FAM53A: variants seen among roughly 807,000 people sequenced by gnomAD.
FAM53A encodes the protein family with sequence similarity 53 member A.
FAM53A carries 28 observed loss-of-function variants against 26.6 expected under a neutral mutation model. That is an observed-to-expected ratio of 1.05 (90% CI 0.78 to 1.45). The LOEUF is 1.45. FAM53A is among the 40% of genes most tolerant of loss of function. The probability of loss-of-function intolerance (pLI) is 0.00; values close to 1 mark genes in which losing one functional copy is unlikely to be tolerated. For synonymous variants in FAM53A, 290 were observed against 253.1 expected, an observed-to-expected ratio of 1.15 and a Z score of -1.38; for missense variants, 650 against 575.8, an observed-to-expected ratio of 1.13 and a Z score of -1.32.
the FAM53A span, among the ~76,000 whole-genome samples, chr4:1,602,906 C>T: frequency 6.6e-6 from 1 of 152,246 alleles, no homozygotes; most frequent in African/African-American, 2.4e-5. Context: ...CACTCCAGGA[C>T]GCCCCCTCCG....
the FAM53A span, among the ~76,000 whole-genome samples, chr4:1,575,266 G>A: frequency 3.9e-5 from 6 of 152,214 alleles, no homozygotes; most frequent in African/African-American, 1.4e-4. Flanking sequence ...ATGCTGTGTG[G>A]ACTCAGGTCC....
chr4:1,674,435 C>T (rs955067517), intron 1 of FAM53A, among the ~76,000 whole-genome samples: 9 of 152,112 alleles, frequency 5.9e-5, no homozygotes, highest in Admixed American at 5.9e-4. Context: ...TTTAGGAGGC[C>T]GAGGCAGGCA....
chr4:1,631,561 C>T (rs1715613482), intron 1 of FAM53A, among the ~76,000 whole-genome samples: 1 of 152,152 alleles, frequency 6.6e-6, no homozygotes, highest in Non-Finnish European at 1.5e-5. Flanking sequence ...GCTGAAGGCG[C>T]CCAACCACAG....
chr4:1,632,489 G>T (rs1715652957), intron 1 of FAM53A, among the ~76,000 whole-genome samples: 1 of 152,200 alleles, frequency 6.6e-6, no homozygotes, highest in African/African-American at 2.4e-5. Flanking sequence ...GGACCCCCAA[G>T]AAGACCGACC....
intron 4 of FAM53A, among the ~76,000 whole-genome samples, chr4:1,650,873 AG>A (rs1250070939): frequency 6.6e-6 from 1 of 151,898 alleles, no homozygotes; most frequent in Non-Finnish European, 1.5e-5. Context: ...GAAGAGGACT[AG>A]GACAGTGCTC....
At chr4:1,669,253 G>T (rs529829560) in intron 1 of FAM53A, among the ~76,000 whole-genome samples, 9 of 152,244 alleles carry the variant, frequency 5.9e-5, no homozygotes, top group African/African-American at 2.2e-4. Flanking sequence ...CCAATATCAA[G>T]CCAGGAACAC....
intron 2 of FAM53A, among the ~76,000 whole-genome samples, chr4:1,658,599 A>G (rs1713591959): frequency 6.6e-6 from 1 of 152,236 alleles, no homozygotes; most frequent in Non-Finnish European, 1.5e-5. Flanking sequence ...GGAAAGCCAC[A>G]GGGCGTGGTG....
chr4:1,581,254 C>G, the FAM53A span, among the ~76,000 whole-genome samples: 18 of 151,124 alleles, frequency 1.2e-4, no homozygotes, highest in Non-Finnish European at 2.4e-4. Context: ...CTCAGGGCCC[C>G]GCTTCCCACT....
intron 1 of FAM53A, chr4:1,618,138 T>C (rs11722375): frequency 0.69 from 313,749 of 456,110 alleles, 110,502 homozygotes; most frequent in African/African-American, 0.93. Flanking sequence ...GGCAGGTGAG[T>C]GCTGCCTCTT....
chr4:1,612,315 A>T, the FAM53A span, among the ~76,000 whole-genome samples: 1 of 152,298 alleles, frequency 6.6e-6, no homozygotes, highest in African/African-American at 2.4e-5. Context: ...AGATTGCTGT[A>T]TTTACACCAG....
At chr4:1,684,109 C>A (rs1286223362) in intron 1 of FAM53A, 124 bp downstream of exon 1, 2 of 151,972 alleles carry the variant, frequency 1.3e-5, no homozygotes, top group Non-Finnish European at 2.9e-5. Flanking sequence ...GCGCAGGGCC[C>A]CGCGCCCACG....
chr4:1,610,616 C>A, the FAM53A span, among the ~76,000 whole-genome samples: 101 of 150,320 alleles, frequency 6.7e-4, 1 homozygote, highest in African/African-American at 2.3e-3. Flanking sequence ...AGTCCCCAGG[C>A]AGGGCATCTG....
downstream of FAM53A, among the ~76,000 whole-genome samples, chr4:1,636,568 G>C (rs1455939407): frequency 6.6e-6 from 1 of 152,208 alleles, no homozygotes; most frequent in African/African-American, 2.4e-5. Context: ...CCACGGCCTC[G>C]GGCACCTGGC....
chr4:1,669,114 A>T (rs185863099), intron 1 of FAM53A, among the ~76,000 whole-genome samples: 31 of 152,094 alleles, frequency 2.0e-4, no homozygotes, highest in African/African-American at 6.3e-4. Context: ...CACACATTAG[A>T]CCCACCCGCC....
the FAM53A span, among the ~76,000 whole-genome samples, chr4:1,593,378 G>A: frequency 6.6e-6 from 1 of 152,016 alleles, no homozygotes; most frequent in African/African-American, 2.4e-5. Context: ...CGAGTAGGGT[G>A]AGCTCAGGCC....
rs569020858 is a variant in FAM53A at position 1,674,540 on chromosome 4, G to A, written c.-164-5635C>T. On this transcript the variant is annotated intron_variant, in intron 1 of 4. Transcript: ENST00000308132. Reference sequence around the variant, plus strand: ...AAAAATTAGCTGGGTGTGGTGGCACGTGCCTGTGGTCCCAGCTACTTGGGA... The same window carrying A: ...AAAAATTAGCTGGGTGTGGTGGCACATGCCTGTGGTCCCAGCTACTTGGGA... Among the ~76,000 whole-genome samples, 71 of 152,078 alleles carry A rather than the reference G, an allele frequency of 4.7e-4. 1 individual carries two copies. In the South Asian group the frequency reaches 0.014, roughly 31 times the overall value.
At chr4:1,606,526 C>CAG in the FAM53A span, among the ~76,000 whole-genome samples, 1 of 152,190 alleles carries the variant, frequency 6.6e-6, no homozygotes, top group Non-Finnish European at 1.5e-5. Flanking sequence ...CCCAGACCCC[C>CAG]AGAGTGTGTG....
chr4:1,657,442 G>C lies in FAM53A; in HGVS notation c.102C>G (p.Asn34Lys). The change falls in exon 3 of 5, where the codon AAC becomes AAG. Residue 34 changes from asparagine to lysine, a missense_variant. By Grantham distance (94) the Asn-to-Lys change is moderately conservative. Coordinates refer to ENST00000308132, the MANE Select transcript of FAM53A (RefSeq NM_001174070.3). ...GPLQYSAETL[N>K]KSGRLFPLEL... ...CCAAAGGGAACAGACGACCGCTCTT[G>C]TTCAGGGTTTCCGCAGAATACTGCA... The C allele has an allele frequency of 6.2e-7, 1 of 1,613,902 alleles. No homozygotes were observed. The highest frequency in any genetic ancestry group is 1.3e-5 in the African/African-American group (1 of 75,046).
chr4:1,644,428 G>T, intron 4 of FAM53A: 1 of 1,480,138 alleles, frequency 6.8e-7, no homozygotes, highest in Non-Finnish European at 9.0e-7. Flanking sequence ...AGACACGGCA[G>T]CTGTACAGCT....
Sources: allele counts gnomAD v4.1 joint callset (sites outside exome capture counted in the v4.1 genomes callset), GRCh38; gene constraint gnomAD v4.1.1; transcripts MANE v1.5; gene names NCBI Gene and HGNC (gene_info 2026-07-23, HGNC 2026-07-21).